GABRG3: variants seen among roughly 807,000 people sequenced by gnomAD.
GABRG3 encodes gamma-aminobutyric acid type A receptor subunit gamma3.
GABRG3 carries 25 observed loss-of-function variants against 48.8 expected under a neutral mutation model. That is an observed-to-expected ratio of 0.51 (90% CI 0.37 to 0.72). The LOEUF is 0.72. GABRG3 is among the 30% of genes least tolerant of loss of function. GABRG3 has a pLI of 0.00. For missense variants in GABRG3, 394 were observed against 577.9 expected, an observed-to-expected ratio of 0.68 and a Z score of 3.26; for synonymous variants, 227 against 217.6, an observed-to-expected ratio of 1.04 and a Z score of -0.38.
At chr15:27,257,814 A>AT (rs60790753) in intron 3 of GABRG3, among the ~76,000 whole-genome samples, 6,659 of 142,782 alleles carry the variant, frequency 0.047, 485 homozygotes, top group African/African-American at 0.16. Context: ...ACACGTGGCT[A>AT]TTTTTTTTTT....
chr15:27,318,414 G>T (rs1480101170), intron 3 of GABRG3, among the ~76,000 whole-genome samples: 1 of 152,062 alleles, frequency 6.6e-6, no homozygotes, highest in African/African-American at 2.4e-5. Flanking sequence ...CCCTGCCAGG[G>T]AGATGGGGGA....
rs753925548 is a variant in GABRG3, at chr15:26,977,166, T to C, written c.202+16T>C. 40 of 1,602,764 alleles carry C rather than the reference T, an allele frequency of 2.5e-5. 1 individual carries two copies. Among genetic ancestry groups the C allele is most frequent in the Non-Finnish European group, 3.3e-5 (39 of 1,174,880 alleles). The stretch of plus-strand genomic sequence containing the variant: ...GATATTGGAAGTGAGTGTTGTTTTT[T>C]GTTATTCTAATAGAAAAATATGCTG... On this transcript the variant is annotated intron_variant, in intron 2 of 9. Transcript: ENST00000615808.
intron 3 of GABRG3, among the ~76,000 whole-genome samples, chr15:27,190,527 G>C (rs1420029365): frequency 6.6e-6 from 1 of 152,152 alleles, no homozygotes; most frequent in African/African-American, 2.4e-5. Flanking sequence ...GGTGTTTGTA[G>C]TATTCTCTGA....
intron 3 of GABRG3, among the ~76,000 whole-genome samples, chr15:27,275,478 A>G (rs992379812): frequency 1.3e-5 from 2 of 152,172 alleles, no homozygotes; most frequent in Admixed American, 6.5e-5. Flanking sequence ...CTCAGTCAGG[A>G]CCTATGGGAA....
At chr15:27,361,075 C>T (rs1021397586) in intron 5 of GABRG3, among the ~76,000 whole-genome samples, 3 of 152,202 alleles carry the variant, frequency 2.0e-5, no homozygotes, top group African/African-American at 7.2e-5. Context: ...TAGCAAAGCC[C>T]TGGCAAGGGG....
intron 2 of GABRG3, among the ~76,000 whole-genome samples, chr15:27,021,529 C>T (rs2140677608): frequency 6.6e-6 from 1 of 152,160 alleles, no homozygotes; most frequent in East Asian, 1.9e-4. Context: ...CCTAAAAGAC[C>T]CCAGACACTT....
chr15:27,379,312 C>T (rs1418215338), intron 5 of GABRG3, among the ~76,000 whole-genome samples: 3 of 152,224 alleles, frequency 2.0e-5, no homozygotes, highest in South Asian at 4.1e-4. Context: ...TATACCACTT[C>T]ACAGGTAGTG....
chr15:27,225,621 A>G (rs1889588335), intron 3 of GABRG3, among the ~76,000 whole-genome samples: 1 of 152,126 alleles, frequency 6.6e-6, no homozygotes, highest in Admixed American at 6.5e-5. Context: ...ATGAAGAGGC[A>G]AGCATGGAAT....
At chr15:27,146,786 A>G (rs1898217576) in intron 3 of GABRG3, among the ~76,000 whole-genome samples, 1 of 152,144 alleles carries the variant, frequency 6.6e-6, no homozygotes, top group Non-Finnish European at 1.5e-5. Context: ...AAATAACTAA[A>G]AAATAATGTA....
At chr15:27,243,730 A>G (rs1311232682) in intron 3 of GABRG3, among the ~76,000 whole-genome samples, 3 of 152,194 alleles carry the variant, frequency 2.0e-5, no homozygotes, top group Non-Finnish European at 4.4e-5. Context: ...TTTTGTTAAT[A>G]CCAATTCAAC....
chr15:27,237,779 C>T (rs1228359681), intron 3 of GABRG3, among the ~76,000 whole-genome samples: 1 of 152,176 alleles, frequency 6.6e-6, no homozygotes, highest in Non-Finnish European at 1.5e-5. Context: ...CTCTTCCCAC[C>T]CAGCTTGTGT....
intron 3 of GABRG3, among the ~76,000 whole-genome samples, chr15:27,307,315 TTA>T (rs1199765671): frequency 7.1e-6 from 1 of 141,816 alleles, no homozygotes; most frequent in African/African-American, 2.6e-5. Flanking sequence ...AACCATAGGT[TTA>T]TATATGTTTA....
intron 3 of GABRG3, among the ~76,000 whole-genome samples, chr15:27,289,832 C>A (rs150183055): frequency 1.3e-5 from 2 of 152,190 alleles, no homozygotes; most frequent in East Asian, 3.9e-4. Flanking sequence ...TAGATGATTA[C>A]GTATAGAAAT....
intron 3 of GABRG3, among the ~76,000 whole-genome samples, chr15:27,271,832 C>T (rs1891101192): frequency 6.6e-6 from 1 of 152,202 alleles, no homozygotes; most frequent in South Asian, 2.1e-4. Context: ...TTGTCTTTTC[C>T]ATCATGCTAA....
chr15:27,328,591 T>A (rs1893697743), intron 4 of GABRG3, among the ~76,000 whole-genome samples: 1 of 152,228 alleles, frequency 6.6e-6, no homozygotes, highest in African/African-American at 2.4e-5. Flanking sequence ...TGGAATTCTC[T>A]GTGCCACTGA....
intron 5 of GABRG3, among the ~76,000 whole-genome samples, chr15:27,461,974 T>A: frequency 6.6e-6 from 1 of 152,354 alleles, no homozygotes; most frequent in Admixed American, 6.5e-5. Context: ...TCTTGGATTC[T>A]TGGTGAACAT....
At chr15:27,491,351 C>T (rs1056114459) in intron 6 of GABRG3, among the ~76,000 whole-genome samples, 3 of 152,192 alleles carry the variant, frequency 2.0e-5, no homozygotes, top group African/African-American at 7.2e-5. Context: ...CAGCTATGCT[C>T]CAGCCAAGCA....
chr15:27,056,044 TCA>T (rs1457276134), intron 3 of GABRG3, among the ~76,000 whole-genome samples: 1 of 151,880 alleles, frequency 6.6e-6, no homozygotes, highest in Non-Finnish European at 1.5e-5. Context: ...TCACAAATAG[TCA>T]CAAACAGAAA....
intron 5 of GABRG3, among the ~76,000 whole-genome samples, chr15:27,362,082 C>T (rs1895042558): frequency 6.6e-6 from 1 of 152,194 alleles, no homozygotes; most frequent in Admixed American, 6.5e-5. Context: ...ACACGTTAAT[C>T]ATTCAGAATG....
Sources: allele counts gnomAD v4.1 joint callset (sites outside exome capture counted in the v4.1 genomes callset), GRCh38; gene constraint gnomAD v4.1.1; transcripts MANE v1.5; gene names NCBI Gene and HGNC (gene_info 2026-07-23, HGNC 2026-07-21).